Variants in ITPR1 observed in about 807,000 individuals in gnomAD.
ITPR1 encodes inositol 1,4,5-trisphosphate-gated calcium channel ITPR1.
In ITPR1, 96 loss-of-function variants were observed where a neutral mutation model predicts 318.4. That is an observed-to-expected ratio of 0.30 (90% confidence interval 0.26 to 0.36). The LOEUF (loss-of-function observed/expected upper bound fraction) is 0.36. Among genes scored for constraint, ITPR1 ranks in the 10% least tolerant of loss-of-function variants. The pLI is 1.00. For synonymous variants in ITPR1, 1,312 were observed against 1,289.9 expected, an observed-to-expected ratio of 1.02 and a Z score of -0.37; for missense variants, 2,440 against 3,460.2, an observed-to-expected ratio of 0.71 and a Z score of 7.40.
intron 12 of ITPR1, among the ~76,000 whole-genome samples, chr3:4,654,940 G>T (rs1402120427): frequency 6.6e-6 from 1 of 152,094 alleles, no homozygotes; most frequent in Admixed American, 6.5e-5. Flanking sequence ...CCTTACTGGG[G>T]TACCCGAGGC....
chr3:4,755,245 G>T (rs995474974), intron 44 of ITPR1, among the ~76,000 whole-genome samples: 1 of 145,708 alleles, frequency 6.9e-6, no homozygotes, highest in African/African-American at 2.6e-5. Flanking sequence ...AACTGTTAGC[G>T]TTCTGATCCA....
intron 37 of ITPR1, among the ~76,000 whole-genome samples, chr3:4,707,627 G>A (rs2094788078): frequency 6.6e-6 from 1 of 152,212 alleles, no homozygotes; most frequent in South Asian, 2.1e-4. Context: ...CAGTGAAAGG[G>A]ATGTCAGTGT....
chr3:4,792,919 A>G (rs1407308343), intron 52 of ITPR1, among the ~76,000 whole-genome samples: 2 of 152,170 alleles, frequency 1.3e-5, no homozygotes, highest in South Asian at 2.1e-4. Context: ...ACACAAAGCG[A>G]GTGTGCAGAG....
At chr3:4,808,769 A>G (rs1306212739) in intron 55 of ITPR1, among the ~76,000 whole-genome samples, 1 of 152,182 alleles carries the variant, frequency 6.6e-6, no homozygotes, top group African/African-American at 2.4e-5. Context: ...AGCAGGGAAC[A>G]CCCATGTGTT....
At chr3:4,795,529 T>C (rs1056428146) in intron 53 of ITPR1, among the ~76,000 whole-genome samples, 1 of 152,236 alleles carries the variant, frequency 6.6e-6, no homozygotes, top group Non-Finnish European at 1.5e-5. Context: ...AGCTAACTAA[T>C]GGCAGAGCTA....
chr3:4,618,116 T>A (rs1300686079), intron 4 of ITPR1, among the ~76,000 whole-genome samples: 1 of 152,066 alleles, frequency 6.6e-6, no homozygotes, highest in Non-Finnish European at 1.5e-5. Flanking sequence ...GATGATGAAA[T>A]GTTTTGGAAC....
chr3:4,758,894 G>T (rs2045225387), intron 44 of ITPR1, among the ~76,000 whole-genome samples: 1 of 152,232 alleles, frequency 6.6e-6, no homozygotes, highest in South Asian at 2.1e-4. Context: ...TCACATGGAA[G>T]CTGGGGTCCA....
At chr3:4,519,926 C>T (rs1216330836) in intron 3 of ITPR1, among the ~76,000 whole-genome samples, 2 of 151,974 alleles carry the variant, frequency 1.3e-5, no homozygotes, top group African/African-American at 4.8e-5. Flanking sequence ...GCAGGAGAAG[C>T]TTGGTCGGGG....
At chr3:4,642,460 G>T (rs1177298896) in intron 7 of ITPR1, among the ~76,000 whole-genome samples, 1 of 152,140 alleles carries the variant, frequency 6.6e-6, no homozygotes. Flanking sequence ...TTTTCCTCCT[G>T]GATGTCTGAA....
At chr3:4,697,554 C>T (rs1301847720) in intron 34 of ITPR1, among the ~76,000 whole-genome samples, 2 of 149,964 alleles carry the variant, frequency 1.3e-5, no homozygotes, top group African/African-American at 4.9e-5. Flanking sequence ...TGGGCTCAAG[C>T]AATTATCCTG....
In ITPR1 at chr3:4,828,243, G is replaced by A. The variant is rs114480778; in HGVS notation, c.8029-8531G>A. Reference sequence around the variant, plus strand: ...TGTATAAAAGTAGTAATGGATCAAAGTTGAATACTACTGGAATCCAGAAAA... The same window carrying A: ...TGTATAAAAGTAGTAATGGATCAAAATTGAATACTACTGGAATCCAGAAAA... On this transcript the variant is annotated intron_variant, in intron 60 of 61. Transcript: ENST00000649015. Among the ~76,000 whole-genome samples, 512 of 152,236 alleles carry A rather than the reference G, an allele frequency of 3.4e-3. 4 individuals are homozygous for A. Among genetic ancestry groups the A allele is most frequent in the African/African-American group, 0.012 (478 of 41,530 alleles).
At chr3:4,656,240 G>A (rs777186795) in intron 12 of ITPR1, among the ~76,000 whole-genome samples, 21 of 152,216 alleles carry the variant, frequency 1.4e-4, no homozygotes, top group Admixed American at 1.0e-3. Flanking sequence ...CACAGTGGAC[G>A]TAATGCAATT....
intron 4 of ITPR1, among the ~76,000 whole-genome samples, chr3:4,587,188 A>G (rs1410213646): frequency 6.6e-6 from 1 of 150,434 alleles, no homozygotes; most frequent in African/African-American, 2.5e-5. Flanking sequence ...ACAGCCTGCT[A>G]TCTGATCTGC....
intron 45 of ITPR1, chr3:4,768,121 G>A (rs749062788): frequency 1.4e-4 from 24 of 166,020 alleles, no homozygotes; most frequent in Non-Finnish European, 2.2e-4. Flanking sequence ...CAGGCATTAC[G>A]ACAACAATAA....
At chr3:4,537,885 C>A (rs1339333141) in intron 4 of ITPR1, among the ~76,000 whole-genome samples, 1 of 152,120 alleles carries the variant, frequency 6.6e-6, no homozygotes, top group African/African-American at 2.4e-5. Flanking sequence ...TAGTAATTGT[C>A]CTAATATTGT....
chr3:4,765,995 A>G (rs1400894156), intron 44 of ITPR1, among the ~76,000 whole-genome samples: 1 of 152,206 alleles, frequency 6.6e-6, no homozygotes, highest in African/African-American at 2.4e-5. Context: ...TTATAATATA[A>G]TTGTGTAGCT....
chr3:4,521,684 C>G (rs1373980547), intron 4 of ITPR1, among the ~76,000 whole-genome samples: 1 of 152,098 alleles, frequency 6.6e-6, no homozygotes, highest in African/African-American at 2.4e-5. Flanking sequence ...GCCTGGGCAA[C>G]ATGGTGAAAC....
chr3:4,510,736 G>A (rs1242992307), intron 2 of ITPR1, among the ~76,000 whole-genome samples: 1 of 152,150 alleles, frequency 6.6e-6, no homozygotes, highest in African/African-American at 2.4e-5. Flanking sequence ...GATGAAGGCT[G>A]GGAAGTAGAG....
intron 12 of ITPR1, among the ~76,000 whole-genome samples, chr3:4,656,189 G>A (rs929089670): frequency 6.6e-6 from 1 of 152,220 alleles, no homozygotes; most frequent in Non-Finnish European, 1.5e-5. Flanking sequence ...ACTGCACAAT[G>A]AAAGGATGTC....
Sources: gnomAD v4.1 joint callset for allele counts (sites outside exome capture counted in the v4.1 genomes callset) on GRCh38, gnomAD v4.1.1 for gene constraint, MANE v1.5 for transcripts, NCBI Gene and HGNC (gene_info 2026-07-23, HGNC 2026-07-21) for gene names.